SSUH2: variants seen among roughly 807,000 people sequenced by gnomAD.
SSUH2 encodes ssu-2 homolog.
Under a neutral mutation model 55.3 loss-of-function variants are expected in SSUH2, and 47 were observed. The ratio of observed to expected loss-of-function variants is 0.85; its 90% CI spans 0.67 to 1.08. The LOEUF (loss-of-function observed/expected upper bound fraction) is 1.08. SSUH2 is among the 50% of genes least tolerant of loss of function. SSUH2 has a pLI of 0.00. For synonymous variants in SSUH2, 212 were observed against 191.5 expected (o/e 1.11, Z -0.89); for missense variants, 535 against 490.7 (o/e 1.09, Z -0.85).
rs369055726 is a variant in SSUH2 at position 8,670,057 on chromosome 3, C to T, written c.-455+941G>A. Among the ~76,000 whole-genome samples the T allele has an allele frequency of 3.3e-4, 50 of 152,108 alleles. 1 individual carries two copies. In the South Asian group the frequency reaches 7.7e-3, roughly 23 times the overall value. ...GCTTCCCACTCTTGAGTCCACAGTG[C>T]TTGCACCTCCGCAAGACAAGCATAT... On this transcript the variant is annotated intron_variant, in intron 5 of 18. Transcript: ENST00000317371.
rs115809173 is a variant in SSUH2, at chr3:8,633,963, C to T, written c.210-168G>A. 2.1e-3 allele frequency: 3,396 copies of T among 1,612,134 alleles called. 75 individuals carry two copies. The African/African-American group carries it at 0.04, about 19-fold the overall frequency. On this transcript the variant is annotated intron_variant, in intron 3 of 11. Transcript: ENST00000544814. Reference sequence around the variant, plus strand: ...TCTCCTGCAAAGGGGACCATGTGAACGGGTGCCCAGCGTGAGAACGGGGCA... The same window carrying T: ...TCTCCTGCAAAGGGGACCATGTGAATGGGTGCCCAGCGTGAGAACGGGGCA...
chr3:8,680,954 T>C (rs778178695), intron 1 of SSUH2, among the ~76,000 whole-genome samples: 9 of 145,868 alleles, frequency 6.2e-5, no homozygotes, highest in Non-Finnish European at 9.4e-5. Context: ...CTGGAATTAT[T>C]ATCATCCTCT....
rs538350281 is a variant in SSUH2, at chr3:8,619,852, G to A, written c.*16C>T. 228 of 1,611,320 alleles carry A rather than the reference G, an allele frequency of 1.4e-4. 4 individuals are homozygous for A. In the South Asian group the frequency reaches 2.3e-3, roughly 16 times the overall value. Reference sequence around the variant, plus strand: ...GGCAAACGTGAATGGCAGGCTCTGGGGACAGCCATGCTATGTCACACGATG... The same window carrying A: ...GGCAAACGTGAATGGCAGGCTCTGGAGACAGCCATGCTATGTCACACGATG... On this transcript the variant is annotated 3_prime_UTR_variant, in exon 12 of 12. Transcript: ENST00000544814.
intron 3 of SSUH2, among the ~76,000 whole-genome samples, chr3:8,673,541 G>T (rs1424627028): frequency 1.3e-5 from 2 of 152,094 alleles, no homozygotes; most frequent in African/African-American, 4.8e-5. Flanking sequence ...GCGAAAAGCC[G>T]CAAGCCCTAA....
chr3:8,645,656 T>TC (rs919578392), upstream of SSUH2, among the ~76,000 whole-genome samples: 18 of 152,222 alleles, frequency 1.2e-4, no homozygotes, highest in African/African-American at 4.3e-4. Flanking sequence ...CGCCTTGACT[T>TC]CCCCATCCCA....
chr3:8,629,802 A>G, intron 6 of SSUH2, 76 bp from the exon 7 acceptor site: 4 of 1,407,872 alleles, frequency 2.8e-6, no homozygotes, highest in Non-Finnish European at 4.0e-6. Flanking sequence ...CACCATCTAA[A>G]CCGAAGGTGG....
chr3:8,672,593 T>C (rs1423710528), intron 3 of SSUH2, among the ~76,000 whole-genome samples: 35 of 152,064 alleles, frequency 2.3e-4, no homozygotes, highest in Non-Finnish European at 1.0e-4. Context: ...CCAGGATGGG[T>C]GTACACCCCC....
chr3:8,680,553 C>T (rs1705872927), intron 1 of SSUH2, among the ~76,000 whole-genome samples: 2 of 152,012 alleles, frequency 1.3e-5, no homozygotes, highest in African/African-American at 4.8e-5. Flanking sequence ...GTGTTATATC[C>T]TCCTCTCCCA....
intron 3 of SSUH2, chr3:8,634,329 C>T (rs928092736): frequency 5.3e-5 from 65 of 1,220,402 alleles, no homozygotes; most frequent in Non-Finnish European, 2.7e-5. Context: ...ACCCTAACCT[C>T]GGCCCTCTTT....
chr3:8,668,710 G>T (rs1048709640), intron 5 of SSUH2, among the ~76,000 whole-genome samples: 4 of 152,036 alleles, frequency 2.6e-5, no homozygotes, highest in Admixed American at 2.0e-4. Context: ...CAATATTCTG[G>T]AATTTATTTG....
intron 1 of SSUH2, among the ~76,000 whole-genome samples, chr3:8,643,726 T>A (rs981333558): frequency 7.9e-5 from 12 of 152,190 alleles, no homozygotes; most frequent in African/African-American, 2.7e-4. Flanking sequence ...TATGAAGTTG[T>A]GTTAGTGTCA....
Position 8,679,288 on chromosome 3 carries a change from G to GT in SSUH2, c.-901+416_-901+417insA, listed in dbSNP as rs549421396. On this transcript the variant is annotated intron_variant, in intron 2 of 18. Transcript: ENST00000317371. ...GCTTTTAGGACCCCCATCGGAGGGG[G>GT]GGAGCCACCCCCCATGAGGCGGGGA... is the stretch of plus-strand genomic sequence containing the variant. Among the ~76,000 whole-genome samples, 88 of 107,724 alleles carry GT rather than the reference G, an allele frequency of 8.2e-4. 5 individuals are homozygous for GT. The highest frequency in any genetic ancestry group is 1.8e-3 in the Admixed American group (19 of 10,478). 70.7% of individuals were successfully genotyped at this position (107,724 alleles called of 152,430 possible).
At position 8,619,930 on chromosome 3, in the gene SSUH2, C is replaced by T; in HGVS notation, c.1066G>A (p.Asp356Asn). Residue 356 changes from aspartate to asparagine, a missense_variant, in exon 12 of 12, where the codon GAC (aspartate) becomes AAC (asparagine). By Grantham distance (23) the Asp-to-Asn change is conservative. Coordinates refer to ENST00000544814, the MANE Select transcript of SSUH2 (RefSeq NM_001256748.3). ...KTYVYYIYGT[D>N]HQVYAVDYPE... The stretch of plus-strand genomic sequence containing the variant: ...TAGTCCACCGCATACACCTGGTGGT[C>T]AGTGCCATAGATGTAGTAGACATAA... 1 of 1,614,180 alleles carries T rather than the reference C, an allele frequency of 6.2e-7. No individual in the cohort carries two copies. The highest frequency in any genetic ancestry group is 8.5e-7 in the Non-Finnish European group (1 of 1,180,014).
intron 1 of SSUH2, among the ~76,000 whole-genome samples, chr3:8,644,516 A>C (rs164960): frequency 0.16 from 24,725 of 152,080 alleles, 2,141 homozygotes; most frequent in Middle Eastern, 0.22. Flanking sequence ...GAGAGGAAGG[A>C]AGGAAGGAAG....
chr3:8,627,284 C>G (rs1697790780), intron 8 of SSUH2: 1 of 169,230 alleles, frequency 5.9e-6, no homozygotes, highest in South Asian at 2.0e-4. Flanking sequence ...TCCTTGACTC[C>G]TCCTCCATTC....
chr3:8,637,350 A>G (rs561752836), intron 1 of SSUH2, among the ~76,000 whole-genome samples: 2 of 152,336 alleles, frequency 1.3e-5, no homozygotes, highest in South Asian at 2.1e-4. Context: ...CGGGTGTGAC[A>G]TAGATACAGG....
At chr3:8,653,726 G>A (rs1399154903) in intron 7 of SSUH2, among the ~76,000 whole-genome samples, 1 of 152,122 alleles carries the variant, frequency 6.6e-6, no homozygotes, top group Admixed American at 6.5e-5. Context: ...ACATTTTACT[G>A]AATTATAACA....
chr3:8,650,221 T>C (rs1327488277), intron 7 of SSUH2, among the ~76,000 whole-genome samples: 2 of 152,208 alleles, frequency 1.3e-5, no homozygotes, highest in African/African-American at 4.8e-5. Context: ...AGACCCTCTT[T>C]CCTGCTTTTG....
Position 8,630,693 on chromosome 3 carries a change from G to A in SSUH2, c.525+112C>T, listed in dbSNP as rs928874727. ...ATTTATAACCAACAAATGAAGCACC[G>A]GCCTGAATTTTGGGTTTCCCTTCAA... On this transcript the variant is annotated intron_variant, in intron 6 of 11. Coordinates refer to ENST00000544814, the MANE Select transcript of SSUH2 (RefSeq NM_001256748.3). 12 of 1,019,278 alleles carry A rather than the reference G, an allele frequency of 1.2e-5. No homozygotes were observed. In the South Asian group the frequency reaches 1.8e-4, roughly 15 times the overall value. 63.1% of individuals were successfully genotyped at this position (1,019,278 alleles called of 1,614,324 possible). A position where few individuals can be genotyped will look rare whatever the true frequency, so the allele number is the denominator to read the frequency against.
Sources: allele counts gnomAD v4.1 joint callset (sites outside exome capture counted in the v4.1 genomes callset), GRCh38; gene constraint gnomAD v4.1.1; transcripts MANE v1.5; gene names NCBI Gene and HGNC (gene_info 2026-07-23, HGNC 2026-07-21).